IMMP2L: variants seen among roughly 807,000 people sequenced by gnomAD.
IMMP2L encodes inner mitochondrial membrane peptidase subunit 2, also known as mitochondrial inner membrane protease subunit 2.
A neutral mutation model predicts 19.3 loss-of-function variants in IMMP2L; 18 were observed. That is an observed-to-expected ratio of 0.93 (90% CI 0.64 to 1.38). IMMP2L has a LOEUF of 1.38. IMMP2L is among the 40% of genes most tolerant of loss of function. The pLI is 0.00. For missense variants in IMMP2L, 233 were observed against 218.2 expected, an observed-to-expected ratio of 1.07 and a Z score of -0.43; for synonymous variants, 76 against 73.0, an observed-to-expected ratio of 1.04 and a Z score of -0.21.
chr7:111,380,153 G>A (rs928868467), intron 3 of IMMP2L, among the ~76,000 whole-genome samples: 3 of 151,852 alleles, frequency 2.0e-5, no homozygotes, highest in Non-Finnish European at 4.4e-5. Flanking sequence ...GCACTTCACA[G>A]TATTACGTCT....
chr7:110,938,513 C>A (rs1816359777), intron 4 of IMMP2L, among the ~76,000 whole-genome samples: 1 of 152,094 alleles, frequency 6.6e-6, no homozygotes, highest in Non-Finnish European at 1.5e-5. Context: ...AATGAAACAA[C>A]AAGAAATCCA....
At chr7:110,664,232 C>T (rs1410596773) in intron 5 of IMMP2L, among the ~76,000 whole-genome samples, 2 of 151,880 alleles carry the variant, frequency 1.3e-5, no homozygotes, top group African/African-American at 4.8e-5. Context: ...ATCACAGAGT[C>T]CTAAAAAATA....
rs377602889 is a variant in IMMP2L at position 110,800,721 on chromosome 7, G to A, written c.408+85872C>T. Reference sequence around the variant, plus strand: ...TTATTCATTGTGGCAAAGGACATGCGCACATTTTCTTGAAAACAGTGACAG... The same window carrying A: ...TTATTCATTGTGGCAAAGGACATGCACACATTTTCTTGAAAACAGTGACAG... On this transcript the variant is annotated intron_variant, in intron 5 of 5. Transcript: ENST00000405709. Among the ~76,000 whole-genome samples the A allele has an allele frequency of 1.4e-4, 22 of 152,020 alleles. No individual in the cohort carries two copies. The South Asian group carries it at 1.7e-3, about 11-fold the overall frequency.
chr7:111,442,908 C>A (rs961160155), intron 3 of IMMP2L, among the ~76,000 whole-genome samples: 1 of 151,732 alleles, frequency 6.6e-6, no homozygotes, highest in Non-Finnish European at 1.5e-5. Flanking sequence ...GTTACAAATA[C>A]CATTTAAACA....
intron 3 of IMMP2L, among the ~76,000 whole-genome samples, chr7:111,443,282 T>C (rs1837931114): frequency 6.7e-6 from 1 of 149,796 alleles, no homozygotes; most frequent in Admixed American, 6.6e-5. Flanking sequence ...TTCAATACAG[T>C]AATCCAAATT....
intron 5 of IMMP2L, among the ~76,000 whole-genome samples, chr7:110,800,831 G>T (rs370256334): frequency 2.0e-5 from 3 of 152,116 alleles, no homozygotes; most frequent in Admixed American, 6.6e-5. Context: ...CTTCTTTACA[G>T]GGTACATTTG....
chr7:110,937,495 C>T (rs1271205251), intron 4 of IMMP2L, among the ~76,000 whole-genome samples: 1 of 152,160 alleles, frequency 6.6e-6, no homozygotes, highest in Non-Finnish European at 1.5e-5. Context: ...GCGGGATTCA[C>T]ACTTCTAAGA....
At chr7:110,778,646 C>G (rs545094200) in intron 5 of IMMP2L, among the ~76,000 whole-genome samples, 1 of 151,900 alleles carries the variant, frequency 6.6e-6, no homozygotes, top group Admixed American at 6.6e-5. Flanking sequence ...GACAAGAGAA[C>G]CTTACTGAGA....
intron 3 of IMMP2L, among the ~76,000 whole-genome samples, chr7:111,251,758 G>A (rs1176147876): frequency 6.6e-6 from 1 of 151,998 alleles, no homozygotes; most frequent in Non-Finnish European, 1.5e-5. Flanking sequence ...GATGGGGGAG[G>A]GAGAGTATCA....
chr7:110,773,710 C>A (rs1055677626), intron 5 of IMMP2L, among the ~76,000 whole-genome samples: 1 of 152,014 alleles, frequency 6.6e-6, no homozygotes, highest in Non-Finnish European at 1.5e-5. Flanking sequence ...ACTTGGCCAT[C>A]CAAATTGAGT....
chr7:111,531,441 A>C (rs370470337), intron 1 of IMMP2L, among the ~76,000 whole-genome samples: 4 of 152,224 alleles, frequency 2.6e-5, no homozygotes, highest in African/African-American at 9.6e-5. Flanking sequence ...CTGTAACTCC[A>C]AATAGACACC....
intron 4 of IMMP2L, among the ~76,000 whole-genome samples, chr7:110,949,179 T>A (rs1033800841): frequency 6.6e-6 from 1 of 152,184 alleles, no homozygotes; most frequent in Non-Finnish European, 1.5e-5. Flanking sequence ...CCAATTCTCC[T>A]AATAAATCCC....
At chr7:111,197,534 G>C (rs1174414122) in intron 3 of IMMP2L, among the ~76,000 whole-genome samples, 2 of 152,026 alleles carry the variant, frequency 1.3e-5, no homozygotes, top group African/African-American at 4.8e-5. Context: ...AGGTAATATA[G>C]CTAATTATTT....
chr7:111,125,051 T>G (rs1801150037), intron 3 of IMMP2L: 1 of 587,332 alleles, frequency 1.7e-6, no homozygotes, highest in Non-Finnish European at 3.0e-6. Context: ...CCAATGCTGC[T>G]CCTGACCAAT....
Position 111,417,579 on chromosome 7 carries a change from A to G in IMMP2L, c.239+69659T>C, listed in dbSNP as rs548634351. 1.1e-3 allele frequency among the ~76,000 whole-genome samples: 167 copies of G among 151,906 alleles called. 2 individuals are homozygous for G. The highest frequency in any genetic ancestry group is 6.8e-3 in the Middle Eastern group (2 of 294). On this transcript the variant is annotated intron_variant, in intron 3 of 5. Coordinates refer to ENST00000405709, the MANE Select transcript of IMMP2L (RefSeq NM_032549.4). ...GTCAGAGGTCTATGAAGACCCCTCAATGTGTAACCTCTGTCACGAATGTGT... is the reference window on the plus strand; with the variant it reads ...GTCAGAGGTCTATGAAGACCCCTCAGTGTGTAACCTCTGTCACGAATGTGT...
At chr7:111,550,722 T>G (rs1440477193) in intron 1 of IMMP2L, among the ~76,000 whole-genome samples, 1 of 152,186 alleles carries the variant, frequency 6.6e-6, no homozygotes, top group African/African-American at 2.4e-5. Context: ...GAAAGCATCC[T>G]TGGCTGTCAA....
At position 111,164,808 on chromosome 7, in the gene IMMP2L, T is replaced by C. The variant is rs138331466; in HGVS notation, c.240-201243A>G. 8.3e-4 allele frequency among the ~76,000 whole-genome samples: 126 copies of C among 152,194 alleles called. 3 individuals are homozygous for C. In the East Asian group the frequency reaches 0.019, roughly 23 times the overall value. ...AGGGACATGCCATTTTGTCATTTTGTTGTGAGCTGATTAAAAAAAATTTTT... is the reference window on the plus strand; with the variant it reads ...AGGGACATGCCATTTTGTCATTTTGCTGTGAGCTGATTAAAAAAAATTTTT... On this transcript the variant is annotated intron_variant, in intron 3 of 5. Transcript: ENST00000405709.
At chr7:111,216,227 T>C (rs1811908188) in intron 3 of IMMP2L, among the ~76,000 whole-genome samples, 1 of 152,120 alleles carries the variant, frequency 6.6e-6, no homozygotes, top group Admixed American at 6.6e-5. Context: ...ATTGAGATAG[T>C]CTCTTCTCAA....
chr7:111,152,146 GATGCATACATGGT>G (rs1804148503), intron 3 of IMMP2L, among the ~76,000 whole-genome samples: 1 of 152,106 alleles, frequency 6.6e-6, no homozygotes, highest in African/African-American at 2.4e-5. Context: ...GAAGCTGGAA[GATGCATACATGGT>G]ATTTTACTAG....
Sources: allele counts gnomAD v4.1 joint callset (sites outside exome capture counted in the v4.1 genomes callset), GRCh38; gene constraint gnomAD v4.1.1; transcripts MANE v1.5; gene names NCBI Gene and HGNC (gene_info 2026-07-23, HGNC 2026-07-21).